The following SDCCAG8 variants were observed in gnomAD, a reference collection of about 807,000 sequenced individuals.
SDCCAG8 encodes serologically defined colon cancer antigen 8.
In SDCCAG8, 74 loss-of-function variants were observed where a neutral mutation model predicts 101.8. The ratio of observed to expected loss-of-function variants is 0.73; its 90% CI spans 0.60 to 0.88. The LOEUF is 0.88. Among genes scored for constraint, SDCCAG8 ranks in the 40% least tolerant of loss-of-function variants. The pLI is 0.00. For missense variants in SDCCAG8, 787 were observed against 822.6 expected (o/e 0.96, Z 0.53); for synonymous variants, 281 against 292.9 (o/e 0.96, Z 0.41).
intron 16 of SDCCAG8, among the ~76,000 whole-genome samples, chr1:243,460,557 G>C (rs189805780): frequency 6.6e-6 from 1 of 152,318 alleles, no homozygotes; most frequent in African/African-American, 2.4e-5. Flanking sequence ...TTTAAAAATG[G>C]ATAAAGATGA....
intron 14 of SDCCAG8, among the ~76,000 whole-genome samples, chr1:243,417,464 C>T (rs576239823): frequency 5.9e-5 from 9 of 152,024 alleles, no homozygotes; most frequent in Non-Finnish European, 1.0e-4. Context: ...ACATTTTTAC[C>T]TTCATAATTA....
intron 13 of SDCCAG8, among the ~76,000 whole-genome samples, chr1:243,382,817 G>A (rs1344641315): frequency 6.6e-6 from 1 of 152,198 alleles, no homozygotes; most frequent in African/African-American, 2.4e-5. Context: ...GAAGTGGAAA[G>A]GAAGTAGTAT....
intron 13 of SDCCAG8, among the ~76,000 whole-genome samples, chr1:243,381,920 T>C (rs1281800187): frequency 6.6e-6 from 1 of 152,122 alleles, no homozygotes; most frequent in Non-Finnish European, 1.5e-5. Flanking sequence ...AAAGCTGATA[T>C]CAGGGAAAGC....
chr1:243,363,545 T>C (rs1302346848), intron 12 of SDCCAG8, among the ~76,000 whole-genome samples: 1 of 152,240 alleles, frequency 6.6e-6, no homozygotes, highest in African/African-American at 2.4e-5. Context: ...CTAGATAACC[T>C]GGATAAATGG....
At chr1:243,398,212 C>T (rs191980518) in intron 13 of SDCCAG8, among the ~76,000 whole-genome samples, 50 of 152,150 alleles carry the variant, frequency 3.3e-4, no homozygotes, top group African/African-American at 1.1e-3. Context: ...AAATAGATTA[C>T]GTTTGATTAA....
intron 16 of SDCCAG8, among the ~76,000 whole-genome samples, chr1:243,445,056 AG>A (rs2082803348): frequency 6.6e-6 from 1 of 152,228 alleles, no homozygotes; most frequent in South Asian, 2.1e-4. Flanking sequence ...TTCCTAAAAA[AG>A]TCTACTTATC....
chr1:243,336,007 A>G (rs2074984210), intron 10 of SDCCAG8, among the ~76,000 whole-genome samples: 2 of 152,204 alleles, frequency 1.3e-5, no homozygotes, highest in African/African-American at 2.4e-5. Flanking sequence ...TCAGTGGTGT[A>G]TATGTACCAC....
chr1:243,318,222 A>C (rs1017264183), intron 9 of SDCCAG8, among the ~76,000 whole-genome samples: 4 of 152,246 alleles, frequency 2.6e-5, no homozygotes, highest in African/African-American at 9.6e-5. Context: ...ATGGAGCCGG[A>C]GACAGTTATC....
At chr1:243,280,465 C>A (rs976285809) in intron 4 of SDCCAG8, among the ~76,000 whole-genome samples, 4 of 151,658 alleles carry the variant, frequency 2.6e-5, no homozygotes, top group Non-Finnish European at 5.9e-5. Context: ...ATTATATGTT[C>A]TTTTCTGCTT....
intron 13 of SDCCAG8, among the ~76,000 whole-genome samples, chr1:243,397,721 T>G (rs1267999883): frequency 6.6e-6 from 1 of 152,280 alleles, no homozygotes; most frequent in Non-Finnish European, 1.5e-5. Flanking sequence ...ATCTGCAGGT[T>G]AATTTCTGCT....
chr1:243,410,750 T>G (rs1266806826), intron 13 of SDCCAG8, among the ~76,000 whole-genome samples: 2 of 152,344 alleles, frequency 1.3e-5, no homozygotes, highest in East Asian at 3.9e-4. Flanking sequence ...CATGAACATT[T>G]TTTAAATTGC....
chr1:243,390,026 G>A (rs1247810905), intron 13 of SDCCAG8, among the ~76,000 whole-genome samples: 1 of 152,118 alleles, frequency 6.6e-6, no homozygotes, highest in Non-Finnish European at 1.5e-5. Context: ...CAAAAAGTTG[G>A]GGGGAACTCA....
At chr1:243,417,498 G>A (rs1378322125) in intron 14 of SDCCAG8, among the ~76,000 whole-genome samples, 1 of 152,146 alleles carries the variant, frequency 6.6e-6, no homozygotes, top group Admixed American at 6.5e-5. Context: ...AAGATTGGGG[G>A]TGGTGGTGGT....
At chr1:243,493,437 T>C (rs1370211809) in intron 17 of SDCCAG8, among the ~76,000 whole-genome samples, 1 of 152,148 alleles carries the variant, frequency 6.6e-6, no homozygotes, top group African/African-American at 2.4e-5. Flanking sequence ...TCTGTCCACT[T>C]AGAGGATGGT....
intron 16 of SDCCAG8, among the ~76,000 whole-genome samples, chr1:243,488,716 A>C (rs776829964): frequency 1.3e-5 from 2 of 151,796 alleles, no homozygotes; most frequent in Non-Finnish European, 2.9e-5. Context: ...CTCATCTTTG[A>C]CCTCTGCTTG....
chr1:243,428,061 T>G (rs2081460485), intron 16 of SDCCAG8, among the ~76,000 whole-genome samples: 1 of 152,246 alleles, frequency 6.6e-6, no homozygotes, highest in African/African-American at 2.4e-5. Flanking sequence ...CCCAGTCCTG[T>G]GCACCTGGGG....
chr1:243,466,847 T>C (rs1343272949), intron 16 of SDCCAG8, among the ~76,000 whole-genome samples: 1 of 152,264 alleles, frequency 6.6e-6, no homozygotes, highest in African/African-American at 2.4e-5. Context: ...ACTTCTGTTT[T>C]TGCGGTACAA....
At chr1:243,306,421 T>G (rs1194757458) in intron 7 of SDCCAG8, 1 of 152,184 alleles carries the variant, frequency 6.6e-6, no homozygotes, top group Non-Finnish European at 1.5e-5. Flanking sequence ...TTAATTACAT[T>G]AAAATACCAA....
intron 10 of SDCCAG8, chr1:243,338,734 A>G (rs75904486): frequency 0.014 from 2,102 of 152,400 alleles, 15 homozygotes; most frequent in Non-Finnish European, 0.021. Flanking sequence ...GGTTCAATAC[A>G]CTAGGGACTG....
Sources: gnomAD v4.1 joint callset for allele counts (sites outside exome capture counted in the v4.1 genomes callset) on GRCh38, gnomAD v4.1.1 for gene constraint, MANE v1.5 for transcripts, NCBI Gene and HGNC (gene_info 2026-07-23, HGNC 2026-07-21) for gene names.